Variants in NFIA observed in about 807,000 individuals in gnomAD.
NFIA encodes nuclear factor 1 A-type.
In NFIA, 8 loss-of-function variants were observed where a neutral mutation model predicts 62.8. The observed-to-expected ratio is 0.13, with a 90% CI of 0.07 to 0.23. The LOEUF (loss-of-function observed/expected upper bound fraction) is 0.23, where lower values mean the gene tolerates loss of function less well. Ranked by LOEUF, NFIA falls within the 10% of genes least tolerant of loss-of-function variation. The pLI, the probability that NFIA is intolerant of heterozygous loss-of-function variation, is 1.00. For synonymous variants in NFIA, 235 were observed against 238.1 expected (o/e 0.99, Z 0.12); for missense variants, 410 against 642.1 (o/e 0.64, Z 3.91).
At chr1:61,442,169 T>C (rs1354910557) in intron 10 of NFIA, among the ~76,000 whole-genome samples, 1 of 152,008 alleles carries the variant, frequency 6.6e-6, no homozygotes, top group Admixed American at 6.6e-5. Flanking sequence ...AGTAGGTAAC[T>C]CCAAGGGAGT....
chr1:61,236,830 T>C (rs1655041911), intron 2 of NFIA, among the ~76,000 whole-genome samples: 1 of 152,202 alleles, frequency 6.6e-6, no homozygotes, highest in Non-Finnish European at 1.5e-5. Flanking sequence ...GCAATCACTC[T>C]TTTGCTTGTC....
intron 2 of NFIA, among the ~76,000 whole-genome samples, chr1:61,123,255 T>C (rs1646916793): frequency 6.6e-6 from 1 of 152,196 alleles, no homozygotes; most frequent in Non-Finnish European, 1.5e-5. Context: ...CTGGTTTTGA[T>C]ACGCAGGCCA....
chr1:61,164,583 C>G (rs1010858760), intron 2 of NFIA, among the ~76,000 whole-genome samples: 2 of 152,090 alleles, frequency 1.3e-5, no homozygotes, highest in African/African-American at 4.8e-5. Flanking sequence ...CCTCAGCCTC[C>G]CGAGTAGCTG....
At chr1:61,242,855 G>A (rs1465821342) in intron 2 of NFIA, among the ~76,000 whole-genome samples, 1 of 152,120 alleles carries the variant, frequency 6.6e-6, no homozygotes, top group Non-Finnish European at 1.5e-5. Flanking sequence ...GAATCAGCTA[G>A]GGATAATACT....
At chr1:61,171,550 G>C (rs1478520017) in intron 2 of NFIA, among the ~76,000 whole-genome samples, 2 of 152,168 alleles carry the variant, frequency 1.3e-5, no homozygotes, top group African/African-American at 4.8e-5. Context: ...TTAAAACATT[G>C]AATATAGGAT....
At chr1:61,323,094 C>G (rs2806442) in intron 3 of NFIA, among the ~76,000 whole-genome samples, 76,989 of 152,082 alleles carry the variant, frequency 0.51, 22,312 homozygotes, top group South Asian at 0.7. Flanking sequence ...TGTGTAAGTC[C>G]CATGACACAT....
chr1:61,371,992 T>A (rs559467222), intron 6 of NFIA, among the ~76,000 whole-genome samples: 41 of 152,290 alleles, frequency 2.7e-4, no homozygotes, highest in African/African-American at 8.9e-4. Flanking sequence ...CTGATTGGTC[T>A]ATGAAGAGTT....
intron 6 of NFIA, among the ~76,000 whole-genome samples, chr1:61,376,013 C>T (rs979951429): frequency 1.3e-5 from 2 of 152,120 alleles, no homozygotes; most frequent in Non-Finnish European, 2.9e-5. Context: ...CTTTTCTGTC[C>T]TCATTATACG....
intron 2 of NFIA, among the ~76,000 whole-genome samples, chr1:61,150,104 A>G (rs1368855159): frequency 1.3e-5 from 2 of 152,244 alleles, no homozygotes; most frequent in Admixed American, 1.3e-4. Context: ...GATACTAGTT[A>G]CTAAGCAAGA....
At chr1:61,372,631 T>C (rs1186550822) in intron 6 of NFIA, among the ~76,000 whole-genome samples, 3 of 152,076 alleles carry the variant, frequency 2.0e-5, no homozygotes, top group Admixed American at 1.3e-4. Context: ...AAATGACTCA[T>C]GTAGTTGTGT....
intron 3 of NFIA, among the ~76,000 whole-genome samples, chr1:61,316,698 A>G (rs1022046516): frequency 6.6e-6 from 1 of 152,220 alleles, no homozygotes; most frequent in African/African-American, 2.4e-5. Context: ...TGTGAGTCAA[A>G]GGTTATGTTC....
chr1:61,370,983 A>C (rs1663852251), intron 6 of NFIA, among the ~76,000 whole-genome samples: 1 of 152,174 alleles, frequency 6.6e-6, no homozygotes, highest in South Asian at 2.1e-4. Flanking sequence ...CTGCCATGTT[A>C]GCCCCACCCA....
chr1:61,155,122 A>G (rs1341908658), intron 2 of NFIA, among the ~76,000 whole-genome samples: 1 of 152,230 alleles, frequency 6.6e-6, no homozygotes, highest in Admixed American at 6.5e-5. Flanking sequence ...TAATTCATAC[A>G]AAGGATTTAT....
At chr1:61,218,057 G>C (rs1653758621) in intron 2 of NFIA, among the ~76,000 whole-genome samples, 1 of 152,144 alleles carries the variant, frequency 6.6e-6, no homozygotes, top group Non-Finnish European at 1.5e-5. Context: ...AGCTCCTAAG[G>C]CATGATTATA....
At chr1:61,111,982 C>G (rs904139207) in intron 2 of NFIA, among the ~76,000 whole-genome samples, 2 of 151,198 alleles carry the variant, frequency 1.3e-5, no homozygotes, top group Admixed American at 6.6e-5. Flanking sequence ...GATTCCCACA[C>G]TTTTCTACCA....
At chr1:61,082,841 A>T in intron 1 of NFIA, 23 bp downstream of exon 1, 2 of 1,423,416 alleles carry the variant, frequency 1.4e-6, no homozygotes, top group Non-Finnish European at 9.4e-7. Flanking sequence ...GTGGATGCGG[A>T]GGGCTTGGGG....
intron 3 of NFIA, among the ~76,000 whole-genome samples, chr1:61,309,769 G>T (rs1301164150): frequency 2.0e-5 from 3 of 152,070 alleles, no homozygotes; most frequent in African/African-American, 7.2e-5. Context: ...TGCACCTGTA[G>T]TCCCAGCTAC....
chr1:61,114,745 G>A (rs1646767912), intron 2 of NFIA, among the ~76,000 whole-genome samples: 1 of 151,954 alleles, frequency 6.6e-6, no homozygotes, highest in Admixed American at 6.5e-5. Flanking sequence ...TATGCATGGT[G>A]ACTTTTTTCA....
chr1:61,431,043 G>A (rs1307174191), intron 10 of NFIA, among the ~76,000 whole-genome samples: 2 of 152,002 alleles, frequency 1.3e-5, no homozygotes, highest in African/African-American at 4.8e-5. Context: ...AAGGTCTCTG[G>A]GGCATACAGT....
Sources: gnomAD v4.1 joint callset for allele counts (sites outside exome capture counted in the v4.1 genomes callset) on GRCh38, gnomAD v4.1.1 for gene constraint, MANE v1.5 for transcripts, NCBI Gene and HGNC (gene_info 2026-07-23, HGNC 2026-07-21) for gene names.